Variants in MUC5AC observed in about 807,000 individuals in gnomAD.
MUC5AC encodes mucin 5AC, oligomeric mucus/gel-forming.
Under a neutral mutation model 169.7 loss-of-function variants are expected in MUC5AC, and 158 were observed. That is an observed-to-expected ratio of 0.93 (90% confidence interval 0.82 to 1.06). The LOEUF (loss-of-function observed/expected upper bound fraction) is 1.06, where lower values mean the gene tolerates loss of function less well. Ranked by LOEUF, MUC5AC falls within the 50% of genes least tolerant of loss-of-function variation. The pLI is 0.00. For synonymous variants in MUC5AC, 1,975 were observed against 1,237.0 expected (o/e 1.60, Z -12.52); for missense variants, 4,359 against 3,089.9 (o/e 1.41, Z -9.74).
chr11:1,181,566 A>C, intron 30 of MUC5AC, 107 bp downstream of exon 30: 1 of 398,074 alleles, frequency 2.5e-6, no homozygotes. Flanking sequence ...CATGGGCGGC[A>C]GCCCCTGAGG....
chr11:1,177,082 TG>T lies in MUC5AC; in HGVS notation c.2793+20del, dbSNP rs1477114559. 2.3e-5 allele frequency: 9 copies of T among 398,490 alleles called. No individual in the cohort carries two copies. Among genetic ancestry groups the T allele is most frequent in the Non-Finnish European group, 4.0e-5 (9 of 226,086 alleles). The allele number at this position is 398,490 out of a possible 1,614,324, so 24.7% of individuals were successfully genotyped here. A position where few individuals can be genotyped will look rare whatever the true frequency, so the allele number is the denominator to read the frequency against. On this transcript the variant is annotated intron_variant, in intron 22 of 48. Coordinates refer to ENST00000621226, the MANE Select transcript of MUC5AC (RefSeq NM_001304359.2). ...GCTGGTGCAGGTGAGCCGGCGCGTT[TG>T]GGGTCCTCACGGCGGCCCCCGTGGC...
In MUC5AC at chr11:1,163,913, C is replaced by T. The variant is rs1328295329; in HGVS notation, c.711C>T (p.Asn237=). The T allele has an allele frequency of 4.3e-6, 7 of 1,610,850 alleles. No individual in the cohort carries two copies. The highest frequency in any genetic ancestry group is 5.9e-6 in the Non-Finnish European group (7 of 1,179,200). The change falls in exon 7 of 49, where the codon AAC becomes AAT. Residue 237 remains asparagine (N), a synonymous_variant. Coordinates refer to ENST00000621226, the MANE Select transcript of MUC5AC (RefSeq NM_001304359.2). The part of the protein sequence containing the change: ...NTKLTPMEFG[N]LQKMDDPTDQ... ...AGCTGACACCCATGGAATTCGGGAA[C>T]CTGCAGAAGATGGACGACCCCACGG... is the stretch of plus-strand genomic sequence containing the variant.
chr11:1,185,499 C>T lies in MUC5AC; in HGVS notation c.7354C>T (p.Pro2452Ser). 1.4e-6 allele frequency: 1 copy of T among 724,420 alleles called. No individual in the cohort carries two copies. Among genetic ancestry groups the T allele is most frequent in the Non-Finnish European group, 2.5e-6 (1 of 398,256 alleles). 44.9% of individuals were successfully genotyped at this position (724,420 alleles called of 1,614,324 possible). The change falls in exon 31 of 49, where the codon CCA becomes TCA. Residue 2452 changes from proline (P) to serine (S), a missense_variant. Coordinates refer to ENST00000621226, the MANE Select transcript of MUC5AC (RefSeq NM_001304359.2). ...CACAACTTCTGGTCCTGGAACTACC[C>T]CAAGCCCTGTTCCCACGACCAGCAC... ...TSTTSGPGTT[P>S]SPVPTTSTTS... is the part of the protein sequence containing the mutation.
Position 1,180,048 on chromosome 11 carries a change from G to A in MUC5AC, c.3511G>A (p.Glu1171Lys), listed in dbSNP as rs1432408540. 3 of 398,808 alleles carry A rather than the reference G, an allele frequency of 7.5e-6. No individual in the cohort carries two copies. Among genetic ancestry groups the A allele is most frequent in the East Asian group, 3.6e-5 (1 of 28,082 alleles). 24.7% of individuals were successfully genotyped at this position (398,808 alleles called of 1,614,324 possible). A position where few individuals can be genotyped will look rare whatever the true frequency, so the allele number is the denominator to read the frequency against. ...CPLFCDYYNP[E>K]GQCEWHYQPC... ...TCTGTTCTGCGACTACTACAACCCC[G>A]AAGGCCAGTGCGAGTGGCACTACCA... The change falls in exon 27 of 49, where the codon GAA (glutamate) becomes AAA (lysine). Residue 1171 changes from glutamate to lysine, a missense_variant. By Grantham distance (56) the Glu-to-Lys change is moderately conservative (BLOSUM62 1). Coordinates refer to ENST00000621226, the MANE Select transcript of MUC5AC (RefSeq NM_001304359.2).
chr11:1,173,227 T>G (rs1325826715), intron 16 of MUC5AC, among the ~76,000 whole-genome samples: 1 of 149,670 alleles, frequency 6.7e-6, no homozygotes, highest in Admixed American at 6.7e-5. Context: ...TTCACGAATT[T>G]CTTCACTCAT....
rs1861063436 is a variant in MUC5AC at position 1,190,561 on chromosome 11, C to G, written c.12416C>G (p.Ser4139Ter). ...TTSAPTTSTT[S>*]APTHRTTSGP... The stretch of plus-strand genomic sequence containing the variant: ...TCTGCCCCTACAACCAGCACGACCT[C>G]AGCTCCTACACACAGAACGACTTCT... The change falls in exon 31 of 49, where the codon TCA becomes TGA. Residue 4139 changes from serine to a stop codon, truncating the protein, a stop_gained. Transcript: ENST00000621226. LOFTEE classifies it high-confidence loss of function. 1 of 696,908 alleles carries G rather than the reference C, an allele frequency of 1.4e-6. No homozygotes were observed. The highest frequency in any genetic ancestry group is 2.6e-6 in the Non-Finnish European group (1 of 381,772). The allele number at this position is 696,908 out of a possible 1,614,324, so 43.2% of individuals were successfully genotyped here.
rs1861213681 is a variant in MUC5AC at position 1,194,653 on chromosome 11, A to C, written c.15173A>C (p.Asn5058Thr). Residue 5058 changes from asparagine (N) to threonine (T), a missense_variant, in exon 35 of 49, where the codon AAC (asparagine) becomes ACC (threonine). Asn to Thr is a moderately conservative substitution (Grantham distance 65). Transcript: ENST00000621226. ...VEVPFSKFAN[N>T]TEGQCGTCTN... is the part of the protein sequence containing the mutation. ...GTGCCCTTCAGCAAGTTTGCCAACA[A>C]CACCGAGGGCCAGTGCGGTGAGGCC... The C allele has an allele frequency of 1.3e-6, 1 of 762,506 alleles. No individual in the cohort carries two copies. Among genetic ancestry groups the C allele is most frequent in the Non-Finnish European group, 2.4e-6 (1 of 416,342 alleles). The allele number at this position is 762,506 out of a possible 1,614,324, so 47.2% of individuals were successfully genotyped here. A position where few individuals can be genotyped will look rare whatever the true frequency, so the allele number is the denominator to read the frequency against.
In MUC5AC at chr11:1,182,470, T is replaced by A. The variant is rs1860838097; in HGVS notation, c.4325T>A (p.Leu1442Gln). ...GCCCCCGGAGTGCCGCTCCGAGCCC[T>A]GGGGCAGCGTGTGCAGTGCAGCCCG... ...EDAPGVPLRA[L>Q]GQRVQCSPDV... The change falls in exon 31 of 49, where the codon CTG becomes CAG. Residue 1442 changes from leucine (L) to glutamine (Q), a missense_variant. Leu to Gln is a moderately radical substitution (Grantham distance 113). Transcript: ENST00000621226. 2.5e-6 allele frequency: 1 copy of A among 398,564 alleles called. No homozygotes were observed. Among genetic ancestry groups the A allele is most frequent in the South Asian group, 1.3e-4 (1 of 7,864 alleles). 24.7% of individuals were successfully genotyped at this position (398,564 alleles called of 1,614,324 possible).
intron 12 of MUC5AC, 100 bp downstream of exon 12, chr11:1,168,087 C>A (rs890011935): frequency 2.9e-6 from 3 of 1,038,366 alleles, no homozygotes; most frequent in African/African-American, 1.6e-5. Flanking sequence ...GCATGAACAG[C>A]GAGAGGCGGG....
chr11:1,169,016 C>G lies in MUC5AC; in HGVS notation c.1860C>G (p.Ser620Arg), dbSNP rs755614966. The G allele has an allele frequency of 3.8e-6, 6 of 1,591,116 alleles. No individual in the cohort carries two copies. The highest frequency in any genetic ancestry group is 5.1e-6 in the Non-Finnish European group (6 of 1,168,010). Residue 620 changes from serine to arginine, a missense_variant, in exon 15 of 49, where the codon AGC becomes AGG. By Grantham distance (110) the Ser-to-Arg change is moderately radical. Transcript: ENST00000621226. Reference sequence around the variant, plus strand: ...GCTTCGAGGACCCCTGCTCTCTGAGCGTGGAGAATGGTACGGGTGTCCACG... The same window carrying G: ...GCTTCGAGGACCCCTGCTCTCTGAGGGTGGAGAATGGTACGGGTGTCCACG... ...RNSFEDPCSL[S>R]VENEKYAQHW...
At position 1,192,855 on chromosome 11, in the gene MUC5AC, T is replaced by G. The variant is rs749846606; in HGVS notation, c.14453T>G (p.Val4818Gly). The G allele has an allele frequency of 2.6e-6, 2 of 764,738 alleles. No individual in the cohort carries two copies. Among genetic ancestry groups the G allele is most frequent in the African/African-American group, 1.7e-5 (1 of 59,080 alleles). 47.4% of individuals were successfully genotyped at this position (764,738 alleles called of 1,614,324 possible). A position where few individuals can be genotyped will look rare whatever the true frequency, so the allele number is the denominator to read the frequency against. The change falls in exon 32 of 49, where the codon GTG becomes GGG. Residue 4818 changes from valine (V) to glycine (G), a missense_variant. By Grantham distance (109) the Val-to-Gly change is moderately radical (BLOSUM62 -3). Transcript: ENST00000621226. ...YYALCSQDCQ[V>G]VRGVDSDCPS... ...GCCCTGTGTAGCCAGGACTGCCAAG[T>G]GGTCAGAGGGGTTGACAGTGACTGT...
rs1288617584 is a variant in MUC5AC, at chr11:1,180,167, C to G, written c.3613+17C>G. 3.0e-5 allele frequency: 12 copies of G among 398,258 alleles called. No individual in the cohort carries two copies. The highest frequency in any genetic ancestry group is 1.2e-4 in the African/African-American group (6 of 48,590). The allele number at this position is 398,258 out of a possible 1,614,324, so 24.7% of individuals were successfully genotyped here. A position where few individuals can be genotyped will look rare whatever the true frequency, so the allele number is the denominator to read the frequency against. On this transcript the variant is annotated intron_variant, in intron 27 of 48. Transcript: ENST00000621226. ...GCCTGGAAGGTGGGCTGGGGCCGGT[C>G]GGAGGGTGGCCTGGGCTCCGCCGCC...
rs1255850336 is a variant in MUC5AC at position 1,185,989 on chromosome 11, C to T, written c.7844C>T (p.Ala2615Val). 1.2e-5 allele frequency: 9 copies of T among 729,076 alleles called. No homozygotes were observed. In the African/African-American group the frequency reaches 1.4e-4, roughly 11 times the overall value. 45.2% of individuals were successfully genotyped at this position (729,076 alleles called of 1,614,324 possible). A position where few individuals can be genotyped will look rare whatever the true frequency, so the allele number is the denominator to read the frequency against. Residue 2615 changes from alanine (A) to valine (V), a missense_variant, in exon 31 of 49, where the codon GCC becomes GTC. By Grantham distance (64) the Ala-to-Val change is moderately conservative. Transcript: ENST00000621226. ...TSAPTTSTNS[A>V]PISSTTSATT... ...GCACCTACAACCAGCACAAACTCTGCCCCTATAAGCAGCACAACCTCTGCC... is the reference window on the plus strand; with the variant it reads ...GCACCTACAACCAGCACAAACTCTGTCCCTATAAGCAGCACAACCTCTGCC...
At chr11:1,175,934 CAT>C (rs1417212167) in intron 19 of MUC5AC, among the ~76,000 whole-genome samples, 2 of 97,832 alleles carry the variant, frequency 2.0e-5, no homozygotes, top group Admixed American at 9.5e-5. Context: ...CACACACACT[CAT>C]ACTCATGCAC....
chr11:1,185,980 C>A lies in MUC5AC; in HGVS notation c.7835C>A (p.Thr2612Lys). ...ATAACCTCTGCACCTACAACCAGCA[C>A]AAACTCTGCCCCTATAAGCAGCACA... ...TSITSAPTTS[T>K]NSAPISSTTS... is the part of the protein sequence containing the mutation. Residue 2612 changes from threonine to lysine, a missense_variant, in exon 31 of 49, where the codon ACA (threonine) becomes AAA (lysine). By Grantham distance (78) the Thr-to-Lys change is moderately conservative. Transcript: ENST00000621226. The A allele has an allele frequency of 2.7e-6, 2 of 731,620 alleles. No homozygotes were observed. Among genetic ancestry groups the A allele is most frequent in the East Asian group, 2.5e-5 (1 of 39,646 alleles). 45.3% of individuals were successfully genotyped at this position (731,620 alleles called of 1,614,324 possible).
chr11:1,160,501 C>G, intron 1 of MUC5AC, 111 bp from the exon 2 acceptor site: 1 of 871,800 alleles, frequency 1.1e-6, no homozygotes, highest in African/African-American at 1.7e-5. Context: ...CGGGCCACCC[C>G]CACGCACTGT....
At position 1,183,779 on chromosome 11, in the gene MUC5AC, C is replaced by A; in HGVS notation, c.5634C>A (p.Gly1878=). 2.2e-6 allele frequency: 1 copy of A among 447,662 alleles called. No individual in the cohort carries two copies. The highest frequency in any genetic ancestry group is 3.9e-6 in the Non-Finnish European group (1 of 257,444). The allele number at this position is 447,662 out of a possible 1,614,324, so 27.7% of individuals were successfully genotyped here. The change falls in exon 31 of 49, where the codon GGC becomes GGA. Residue 1878 remains glycine (G), a synonymous_variant. Transcript: ENST00000621226. ...TSKTTETQAS[G]SSAPSSTPGT... ...AGACCACTGAAACCCAGGCCTCAGGCTCCTCAGCCCCCAGCAGCACACCTG... is the reference window on the plus strand; with the variant it reads ...AGACCACTGAAACCCAGGCCTCAGGATCCTCAGCCCCCAGCAGCACACCTG...
rs1554928502 is a variant in MUC5AC at position 1,188,127 on chromosome 11, G to C, written c.9982G>C (p.Val3328Leu). The change falls in exon 31 of 49, where the codon GTG becomes CTG. Residue 3328 changes from valine to leucine, a missense_variant. Transcript: ENST00000621226. ...CTGCGAGACCCCTAAAGGTTGCCCC[G>C]TGACCTCCACACCTGTGACAGCTCC... is the stretch of plus-strand genomic sequence containing the variant. ...LCCETPKGCP[V>L]TSTPVTAPST... 16 of 728,806 alleles carry C rather than the reference G, an allele frequency of 2.2e-5. No homozygotes were observed. The Middle Eastern group carries it at 2.1e-3, about 95-fold the overall frequency. The allele number at this position is 728,806 out of a possible 1,614,324, so 45.1% of individuals were successfully genotyped here. A position where few individuals can be genotyped will look rare whatever the true frequency, so the allele number is the denominator to read the frequency against.
In MUC5AC at chr11:1,179,144, A is replaced by C; in HGVS notation, c.3380A>C (p.Asp1127Ala). The change falls in exon 26 of 49, where the codon GAC becomes GCC. Residue 1127 changes from aspartate to alanine, a missense_variant. Coordinates refer to ENST00000621226, the MANE Select transcript of MUC5AC (RefSeq NM_001304359.2). ...TGCGTGAACGACGCGTGCGCCTGCG[A>C]CTCCGGGGGTGACTGCGAGTGCTTC... ...EACVNDACACDSGGDCECFCT... is the reference protein window; with the variant it reads ...EACVNDACACASGGDCECFCT... 2 of 663,842 alleles carry C rather than the reference A, an allele frequency of 3.0e-6. No individual in the cohort carries two copies. Among genetic ancestry groups the C allele is most frequent in the Middle Eastern group, 2.7e-4 (1 of 3,740 alleles). 41.1% of individuals were successfully genotyped at this position (663,842 alleles called of 1,614,324 possible).
Sources: allele counts gnomAD v4.1 joint callset (sites outside exome capture counted in the v4.1 genomes callset), GRCh38; gene constraint gnomAD v4.1.1; transcripts MANE v1.5; gene names NCBI Gene and HGNC (gene_info 2026-07-23, HGNC 2026-07-21).